Variants in YME1L1 observed in about 807,000 individuals in gnomAD.
YME1L1 encodes YME1 like 1 ATPase, also known as ATP-dependent zinc metalloprotease YME1L1.
YME1L1 carries 39 observed loss-of-function variants against 90.4 expected under a neutral mutation model. The observed-to-expected ratio is 0.43, with a 90% confidence interval of 0.33 to 0.56. The LOEUF (loss-of-function observed/expected upper bound fraction) is 0.56. Among genes scored for constraint, YME1L1 ranks in the 20% least tolerant of loss-of-function variants. The pLI is 0.03. For synonymous variants in YME1L1, 284 were observed against 287.3 expected (o/e 0.99, Z 0.12); for missense variants, 617 against 868.4 (o/e 0.71, Z 3.64).
rs1374223321 is a variant in YME1L1 at position 27,119,275 on chromosome 10, A to G, written c.1567+19T>C. 5.1e-6 allele frequency: 8 copies of G among 1,577,396 alleles called. No individual in the cohort carries two copies. The highest frequency in any genetic ancestry group is 1.2e-5 in the South Asian group (1 of 84,748). On this transcript the variant is annotated intron_variant, in intron 14 of 18. Coordinates refer to ENST00000376016, the MANE Select transcript of YME1L1 (RefSeq NM_014263.4). ...CACAATGAAAAGTAAAAGACAGAAA[A>G]AAAAGAAAGGAAACCTACCCATTAG...
chr10:27,142,375 G>C lies in YME1L1; in HGVS notation c.430+12C>G. 1 of 1,388,480 alleles carries C rather than the reference G, an allele frequency of 7.2e-7. No homozygotes were observed. The highest frequency in any genetic ancestry group is 2.6e-5 in the East Asian group (1 of 37,796). 86.0% of individuals were successfully genotyped at this position (1,388,480 alleles called of 1,614,324 possible). A position where few individuals can be genotyped will look rare whatever the true frequency, so the allele number is the denominator to read the frequency against. On this transcript the variant is annotated intron_variant, in intron 4 of 18. Coordinates refer to ENST00000376016, the MANE Select transcript of YME1L1 (RefSeq NM_014263.4). Reference sequence around the variant, plus strand: ...ATTTTTTTTTCCACAATTTATGGTTGTTGCTTCATACCTGGCCAGTACTGA... The same window carrying C: ...ATTTTTTTTTCCACAATTTATGGTTCTTGCTTCATACCTGGCCAGTACTGA...
chr10:27,116,583 T>C (rs2056815540), intron 15 of YME1L1, among the ~76,000 whole-genome samples: 1 of 152,088 alleles, frequency 6.6e-6, no homozygotes, highest in Non-Finnish European at 1.5e-5. Context: ...GAAGACTCAC[T>C]TGAAGCCAGG....
intron 4 of YME1L1, among the ~76,000 whole-genome samples, chr10:27,142,051 CTT>C (rs1393121779): frequency 1.5e-5 from 2 of 131,976 alleles, no homozygotes; most frequent in African/African-American, 7.4e-5. Flanking sequence ...TGTTGTTGCT[CTT>C]TTTTTCTCAT....
rs763911415 is a variant in YME1L1 at position 27,134,130 on chromosome 10, A to G, written c.692-8T>C. ...GGGTTCGCCTTAGGGAATCTAGGAG[A>G]GAAAGAAAAAGCTTTACATGAAATC... On this transcript the variant is annotated splice_region_variant and splice_polypyrimidine_tract_variant and intron_variant, in intron 6 of 18. Coordinates refer to ENST00000376016, the MANE Select transcript of YME1L1 (RefSeq NM_014263.4). The G allele has an allele frequency of 1.9e-6, 3 of 1,595,356 alleles. No homozygotes were observed. The highest frequency in any genetic ancestry group is 2.2e-5 in the South Asian group (2 of 89,116).
intron 5 of YME1L1, 138 bp downstream of exon 5, chr10:27,136,138 C>T: frequency 1.4e-6 from 1 of 710,934 alleles, no homozygotes; most frequent in Admixed American, 2.8e-5. Context: ...ATAATGATTA[C>T]ACAGGTTACT....
intron 18 of YME1L1, 50 bp downstream of exon 18, chr10:27,114,467 CTATT>C (rs1588580448): frequency 6.3e-6 from 9 of 1,428,420 alleles, no homozygotes; most frequent in Non-Finnish European, 5.8e-6. Flanking sequence ...AAGAACCTGA[CTATT>C]TAAGCACATT....
At chr10:27,151,800 GA>G (rs2057221959) in intron 1 of YME1L1, among the ~76,000 whole-genome samples, 1 of 151,738 alleles carries the variant, frequency 6.6e-6, no homozygotes, top group Admixed American at 6.6e-5. Context: ...AGAATGGCGT[GA>G]ACCTGGGAGG....
chr10:27,122,212 A>G (rs1162398429), intron 11 of YME1L1, among the ~76,000 whole-genome samples: 2 of 152,156 alleles, frequency 1.3e-5, no homozygotes, highest in Non-Finnish European at 2.9e-5. Flanking sequence ...CTGATAATAA[A>G]CCACCAATTC....
chr10:27,119,478 TAA>T, intron 13 of YME1L1, 29 bp from the exon 14 acceptor site: 1 of 1,593,798 alleles, frequency 6.3e-7, no homozygotes. Context: ...ACAACGCTAA[TAA>T]GTCTAAAACA....
At chr10:27,120,244 G>T (rs982254824) in intron 13 of YME1L1, among the ~76,000 whole-genome samples, 191 bp downstream of exon 13, 3 of 151,716 alleles carry the variant, frequency 2.0e-5, no homozygotes, top group Admixed American at 6.6e-5. Flanking sequence ...TAGACTCAGG[G>T]TTCAAAACAA....
intron 18 of YME1L1, among the ~76,000 whole-genome samples, chr10:27,113,620 C>T (rs1427033083): frequency 1.3e-5 from 2 of 149,324 alleles, no homozygotes; most frequent in Non-Finnish European, 3.0e-5. Context: ...TGCAATGAGC[C>T]GAGATAGCAC....
chr10:27,125,369 A>G (rs2056905892), intron 9 of YME1L1, among the ~76,000 whole-genome samples: 1 of 150,278 alleles, frequency 6.7e-6, no homozygotes, highest in East Asian at 2.0e-4. Flanking sequence ...TAATTAGGCA[A>G]GTACTCTTTG....
At chr10:27,121,200 C>T (rs1296922446) in intron 12 of YME1L1, among the ~76,000 whole-genome samples, 186 bp downstream of exon 12, 1 of 152,150 alleles carries the variant, frequency 6.6e-6, no homozygotes, top group African/African-American at 2.4e-5. Flanking sequence ...CCAATGACAG[C>T]CATTCCCCAT....
chr10:27,121,895 C>T (rs535706359), intron 11 of YME1L1, among the ~76,000 whole-genome samples: 2 of 151,984 alleles, frequency 1.3e-5, no homozygotes, highest in East Asian at 1.9e-4. Flanking sequence ...GCCACCACAC[C>T]CAGCTAATTC....
chr10:27,130,957 A>G (rs930467108), intron 8 of YME1L1, among the ~76,000 whole-genome samples: 7 of 152,226 alleles, frequency 4.6e-5, no homozygotes, highest in African/African-American at 1.7e-4. Flanking sequence ...CTTACACCCT[A>G]CGTTCCAATA....
At position 27,126,686 on chromosome 10, in the gene YME1L1, G is replaced by C. The variant is rs751955180; in HGVS notation, c.949+10C>G. The C allele has an allele frequency of 2.1e-6, 3 of 1,408,212 alleles. No homozygotes were observed. Among genetic ancestry groups the C allele is most frequent in the Admixed American group, 2.3e-5 (1 of 44,292 alleles). The allele number at this position is 1,408,212 out of a possible 1,614,324, so 87.2% of individuals were successfully genotyped here. A position where few individuals can be genotyped will look rare whatever the true frequency, so the allele number is the denominator to read the frequency against. ...TTCCATCAAATCATGATAAAGAAAAGATATCTTACCTTTTGGAAGTTTACC... is the reference window on the plus strand; with the variant it reads ...TTCCATCAAATCATGATAAAGAAAACATATCTTACCTTTTGGAAGTTTACC... On this transcript the variant is annotated intron_variant, in intron 9 of 18. Transcript: ENST00000376016.
chr10:27,130,479 T>C (rs889777112), intron 8 of YME1L1, among the ~76,000 whole-genome samples: 1 of 152,236 alleles, frequency 6.6e-6, no homozygotes, highest in Admixed American at 6.5e-5. Context: ...TACTCAACAC[T>C]TTCATTCGTA....
chr10:27,132,912 T>C (rs902349021), intron 7 of YME1L1, among the ~76,000 whole-genome samples: 4 of 152,216 alleles, frequency 2.6e-5, no homozygotes, highest in Admixed American at 1.3e-4. Context: ...TTCTACTTCT[T>C]ATTGTAGTAT....
chr10:27,136,646 A>G (rs1250177346), intron 4 of YME1L1, among the ~76,000 whole-genome samples: 1 of 151,912 alleles, frequency 6.6e-6, no homozygotes, highest in African/African-American at 2.4e-5. Context: ...TGAGAACTTA[A>G]ATCTATCATG....
Sources: allele counts gnomAD v4.1 joint callset (sites outside exome capture counted in the v4.1 genomes callset), GRCh38; gene constraint gnomAD v4.1.1; transcripts MANE v1.5; gene names NCBI Gene and HGNC (gene_info 2026-07-23, HGNC 2026-07-21).